KIF1B: variants seen among roughly 807,000 people sequenced by gnomAD.
KIF1B encodes kinesin-like protein KIF1B.
Under a neutral mutation model 241.9 loss-of-function variants are expected in KIF1B, and 76 were observed. The observed-to-expected ratio is 0.31, with a 90% CI of 0.26 to 0.38. The LOEUF (loss-of-function observed/expected upper bound fraction) is 0.38, where lower values mean the gene tolerates loss of function less well. KIF1B is among the 10% of genes least tolerant of loss of function. KIF1B has a pLI of 1.00. For synonymous variants in KIF1B, 750 were observed against 796.7 expected (o/e 0.94, Z 0.99); for missense variants, 1,622 against 2,271.4 (o/e 0.71, Z 5.81).
Position 10,365,035 on chromosome 1 carries a change from G to A in KIF1B, c.4367-65G>A, listed in dbSNP as rs371179776. 1.8e-5 allele frequency: 24 copies of A among 1,364,008 alleles called. No individual in the cohort carries two copies. Among genetic ancestry groups the A allele is most frequent in the Admixed American group, 1.2e-4 (6 of 51,642 alleles). 84.5% of individuals were successfully genotyped at this position (1,364,008 alleles called of 1,614,324 possible). ...AAAAAAAAAAAAGAATTATTAATTC[G>A]TTTTGACCTAAACTTGGAATTGAAT... On this transcript the variant is annotated intron_variant, in intron 41 of 48. Coordinates refer to ENST00000676179, the MANE Select transcript of KIF1B (RefSeq NM_001365951.3). The surrounding 1 kb of genome is among the most constrained non-coding windows in gnomAD (Gnocchi z 4.0).
intron 10 of KIF1B, among the ~76,000 whole-genome samples, 173 bp downstream of exon 10, chr1:10,273,204 G>T (rs1648896083): frequency 6.6e-6 from 1 of 152,162 alleles, no homozygotes; most frequent in South Asian, 2.1e-4. Context: ...AAATCATGAG[G>T]TTTCACACCA....
rs144258834 is a variant in KIF1B at position 10,245,985 on chromosome 1, G to A, written c.107-10262G>A. Among the ~76,000 whole-genome samples, 333 of 152,238 alleles carry A rather than the reference G, an allele frequency of 2.2e-3. 1 individual carries two copies. Among genetic ancestry groups the A allele is most frequent in the African/African-American group, 7.7e-3 (318 of 41,538 alleles). On this transcript the variant is annotated intron_variant, in intron 2 of 48. Coordinates refer to ENST00000676179, the MANE Select transcript of KIF1B (RefSeq NM_001365951.3). Reference sequence around the variant, plus strand: ...CTCAGATCTCTCTCTCCAGAAAAGAGAGACGCCCTAGATGATTTCTTCTAG... The same window carrying A: ...CTCAGATCTCTCTCTCCAGAAAAGAAAGACGCCCTAGATGATTTCTTCTAG...
chr1:10,224,654 C>T (rs1296947156), intron 1 of KIF1B, among the ~76,000 whole-genome samples: 1 of 151,992 alleles, frequency 6.6e-6, no homozygotes, highest in African/African-American at 2.4e-5. Flanking sequence ...GAACTTCTGG[C>T]CTCAAGCAAT....
chr1:10,362,235 G>T (rs1017488066), intron 40 of KIF1B, among the ~76,000 whole-genome samples: 1 of 152,046 alleles, frequency 6.6e-6, no homozygotes. Flanking sequence ...ATCCCAGCAC[G>T]TTGGGAGGCT....
intron 22 of KIF1B, chr1:10,305,100 T>C (rs1056994955): frequency 1.9e-6 from 2 of 1,066,872 alleles, no homozygotes; most frequent in Admixed American, 4.8e-5. Context: ...TTAAAAATAA[T>C]AACATGCAAC....
intron 22 of KIF1B, among the ~76,000 whole-genome samples, chr1:10,315,664 C>A (rs546902705): frequency 1.3e-5 from 2 of 151,554 alleles, no homozygotes; most frequent in East Asian, 1.9e-4. Flanking sequence ...TTTTTTAAAT[C>A]TTTCATTATA....
chr1:10,352,594 T>C, intron 37 of KIF1B, 37 bp from the exon 38 acceptor site: 1 of 1,530,574 alleles, frequency 6.5e-7, no homozygotes, highest in African/African-American at 1.4e-5. Context: ...TGTTTTCAAA[T>C]GTGTCCGTGC....
At chr1:10,340,514 C>G (rs1170747496) in intron 32 of KIF1B, among the ~76,000 whole-genome samples, 1 of 152,014 alleles carries the variant, frequency 6.6e-6, no homozygotes, top group African/African-American at 2.4e-5. Flanking sequence ...TAAGATAATC[C>G]CTGTGTTAGC....
intron 22 of KIF1B, among the ~76,000 whole-genome samples, chr1:10,300,237 A>AATAATAATAATAAT (rs1553165909): frequency 4.9e-5 from 7 of 143,914 alleles, no homozygotes; most frequent in East Asian, 4.0e-4. Flanking sequence ...ACTCAGTGTC[A>AATAATAATAATAAT]AATAATAATA....
chr1:10,286,049 T>C lies in KIF1B; in HGVS notation c.1434+3516T>C, dbSNP rs181390581. On this transcript the variant is annotated intron_variant, in intron 15 of 48. Transcript: ENST00000676179. ...ATGTCACACCATTGTAAAGATGTTT[T>C]TTTTTTTTGAGACAGAGTCTTGCTC... Among the ~76,000 whole-genome samples the C allele has an allele frequency of 4.5e-3, 686 of 152,192 alleles. 3 individuals are homozygous for C. Among genetic ancestry groups the C allele is most frequent in the African/African-American group, 0.015 (631 of 41,484 alleles).
intron 22 of KIF1B, chr1:10,308,662 G>T (rs1368243492): frequency 1.0e-6 from 1 of 999,984 alleles, no homozygotes; most frequent in Non-Finnish European, 1.2e-6. Context: ...ACTAAACCTG[G>T]TTTTGACTTT....
chr1:10,244,751 T>G (rs1647184897), intron 2 of KIF1B, among the ~76,000 whole-genome samples: 1 of 151,980 alleles, frequency 6.6e-6, no homozygotes, highest in East Asian at 1.9e-4. Flanking sequence ...TAGCTGGGAC[T>G]ACAGGCGCCC....
rs770003009 is a variant in KIF1B at position 10,378,512 on chromosome 1, C to G, written c.*1925C>G. On this transcript the variant is annotated 3_prime_UTR_variant, in exon 49 of 49. Coordinates refer to ENST00000676179, the MANE Select transcript of KIF1B (RefSeq NM_001365951.3). The stretch of plus-strand genomic sequence containing the variant: ...CTTTACTTCCCTTGCTCAGACCTCT[C>G]TGTTTCACCATTGCTCAGGCATTCA... 8.5e-6 allele frequency: 6 copies of G among 707,446 alleles called. No homozygotes were observed. Among genetic ancestry groups the G allele is most frequent in the African/African-American group, 1.8e-5 (1 of 56,916 alleles). 43.8% of individuals were successfully genotyped at this position (707,446 alleles called of 1,614,324 possible).
intron 14 of KIF1B, among the ~76,000 whole-genome samples, chr1:10,280,523 C>G (rs895154380): frequency 6.6e-6 from 1 of 152,112 alleles, no homozygotes; most frequent in African/African-American, 2.4e-5. Flanking sequence ...TGTGAGCCAT[C>G]AAGCCCAGCC....
chr1:10,363,210 A>G, intron 40 of KIF1B, 73 bp from the exon 41 acceptor site: 1 of 1,111,200 alleles, frequency 9.0e-7, no homozygotes, highest in Non-Finnish European at 1.4e-6. Context: ...CACTATTTTA[A>G]GTAGCAGAAA....
At position 10,352,634 on chromosome 1, in the gene KIF1B, G is replaced by A. The variant is rs368637007; in HGVS notation, c.3953G>A (p.Arg1318His). 1.1e-5 allele frequency: 18 copies of A among 1,611,416 alleles called. No individual in the cohort carries two copies. Among genetic ancestry groups the A allele is most frequent in the Admixed American group, 6.7e-5 (4 of 59,964 alleles). Residue 1318 changes from arginine (R) to histidine (H), a missense_variant, in exon 38 of 49, where the codon CGT becomes CAT. Arg to His is a conservative substitution (Grantham distance 29, BLOSUM62 0). This residue lies in a region of KIF1B where 803 missense variants were observed against 1,112.0 expected (regional missense o/e 0.72). Coordinates refer to ENST00000676179, the MANE Select transcript of KIF1B (RefSeq NM_001365951.3). ...WKDVRELVVG[R>H]IRNKPEVDEA... ...TTTTTTTTATCCTTTCTTTTAGGTC[G>A]TATTCGGAATAAGCCTGAGGTGGAT...
intron 2 of KIF1B, among the ~76,000 whole-genome samples, chr1:10,251,081 G>A (rs915637192): frequency 9.2e-5 from 14 of 151,772 alleles, no homozygotes; most frequent in South Asian, 4.2e-4. Flanking sequence ...CAGGAGAATC[G>A]CTTGAACCTA....
At chr1:10,308,266 C>G in intron 22 of KIF1B, 1 of 1,060,312 alleles carries the variant, frequency 9.4e-7, no homozygotes, top group Non-Finnish European at 1.1e-6. Context: ...TTGTCCTGTA[C>G]TGTTAGAGCC....
chr1:10,310,658 G>A (rs1569794356), intron 22 of KIF1B, among the ~76,000 whole-genome samples: 1 of 111,992 alleles, frequency 8.9e-6, no homozygotes, highest in African/African-American at 3.7e-5. Flanking sequence ...ATGTGACTGT[G>A]TATGTAATCT....
Sources: gnomAD v4.1 joint callset for allele counts (sites outside exome capture counted in the v4.1 genomes callset) on GRCh38, gnomAD v4.1.1 for gene constraint, gnomAD v4.1.1 regional missense constraint, Gnocchi (gnomAD v3.1) non-coding constraint, MANE v1.5 for transcripts, NCBI Gene and HGNC (gene_info 2026-07-23, HGNC 2026-07-21) for gene names.